The following KIAA1958 variants were observed in gnomAD, a reference collection of about 807,000 sequenced individuals.
KIAA1958 encodes the protein uncharacterized protein KIAA1958.
In KIAA1958, 14 loss-of-function variants were observed where a neutral mutation model predicts 47.2. The ratio of observed to expected loss-of-function variants is 0.30; its 90% CI spans 0.20 to 0.46. The LOEUF (loss-of-function observed/expected upper bound fraction) is 0.46, where lower values mean the gene tolerates loss of function less well. Ranked by LOEUF, KIAA1958 falls within the 20% of genes least tolerant of loss-of-function variation. KIAA1958 has a pLI of 1.00. For missense variants in KIAA1958, 803 were observed against 909.2 expected, an observed-to-expected ratio of 0.88 and a Z score of 1.50; for synonymous variants, 354 against 353.3, an observed-to-expected ratio of 1.00 and a Z score of -0.02.
At chr9:112,595,855 G>A (rs903369271) in intron 2 of KIAA1958, among the ~76,000 whole-genome samples, 17 of 150,982 alleles carry the variant, frequency 1.1e-4, no homozygotes, top group Admixed American at 1.1e-3. Context: ...GTGCGATCTC[G>A]GCTCACCGCA....
intron 2 of KIAA1958, among the ~76,000 whole-genome samples, chr9:112,633,605 G>A (rs968280980): frequency 2.8e-4 from 43 of 151,978 alleles, no homozygotes; most frequent in Non-Finnish European, 5.3e-4. Flanking sequence ...AATATTACCC[G>A]AACCCTAGGA....
intron 1 of KIAA1958, among the ~76,000 whole-genome samples, chr9:112,499,374 T>G (rs756393017): frequency 2.6e-5 from 4 of 152,234 alleles, no homozygotes; most frequent in Admixed American, 1.3e-4. Context: ...AAGATTTCCA[T>G]GAAATTTTAG....
intron 2 of KIAA1958, among the ~76,000 whole-genome samples, chr9:112,637,828 C>CT (rs1252539826): frequency 6.6e-6 from 1 of 152,064 alleles, no homozygotes; most frequent in Non-Finnish European, 1.5e-5. Flanking sequence ...GTAATTTGTC[C>CT]TTTTTTTCCA....
At chr9:112,560,351 C>T (rs1835306732) in intron 1 of KIAA1958, among the ~76,000 whole-genome samples, 1 of 151,832 alleles carries the variant, frequency 6.6e-6, no homozygotes, top group African/African-American at 2.4e-5. Flanking sequence ...CAGGTTCATG[C>T]CACTGCCTCT....
intron 1 of KIAA1958, among the ~76,000 whole-genome samples, chr9:112,511,790 C>A (rs75100457): frequency 5.9e-5 from 9 of 151,978 alleles, no homozygotes; most frequent in South Asian, 4.2e-4. Context: ...CCAGACTGAT[C>A]GAAAATTAGG....
intron 1 of KIAA1958, among the ~76,000 whole-genome samples, chr9:112,498,924 A>T (rs769295876): frequency 8.5e-5 from 13 of 152,088 alleles, no homozygotes; most frequent in African/African-American, 2.9e-4. Context: ...CCTCTAACAC[A>T]CACAGTTCTA....
chr9:112,602,418 C>T (rs1836150432), intron 2 of KIAA1958, among the ~76,000 whole-genome samples: 1 of 152,100 alleles, frequency 6.6e-6, no homozygotes, highest in African/African-American at 2.4e-5. Flanking sequence ...TGAAAGGAGT[C>T]ATAAGAAAAT....
Position 112,618,815 on chromosome 9 carries a change from A to C in KIAA1958, c.1172-26835A>C. On this transcript the variant is annotated intron_variant, in intron 2 of 3. Coordinates refer to ENST00000337530, the MANE Select transcript of KIAA1958 (RefSeq NM_133465.4). The surrounding 1 kb of genome is among the most constrained non-coding windows in gnomAD (Gnocchi z 7.1). ...GAGCAACCAGCTCGTGCTGATCTGTAACAATCTGAGCCAGCAGGCTGCCCA... is the reference window on the plus strand; with the variant it reads ...GAGCAACCAGCTCGTGCTGATCTGTCACAATCTGAGCCAGCAGGCTGCCCA... 6.4e-7 allele frequency: 1 copy of C among 1,550,630 alleles called. No individual in the cohort carries two copies. The highest frequency in any genetic ancestry group is 8.7e-7 in the Non-Finnish European group (1 of 1,147,012).
chr9:112,641,548 C>G (rs1045342358), intron 2 of KIAA1958, among the ~76,000 whole-genome samples: 1 of 151,452 alleles, frequency 6.6e-6, no homozygotes, highest in African/African-American at 2.4e-5. Context: ...GTTCATGAAC[C>G]TTAATATCCT....
At chr9:112,572,056 C>G (rs1221828885) in intron 1 of KIAA1958, among the ~76,000 whole-genome samples, 1 of 151,956 alleles carries the variant, frequency 6.6e-6, no homozygotes, top group Admixed American at 6.6e-5. Context: ...AGGAGCAGTT[C>G]CAGGCTTGGG....
chr9:112,502,816 T>G (rs1834165882), intron 1 of KIAA1958, among the ~76,000 whole-genome samples: 1 of 152,218 alleles, frequency 6.6e-6, no homozygotes, highest in African/African-American at 2.4e-5. Flanking sequence ...AGGAAAAGTT[T>G]GCTGACCCCT....
At chr9:112,561,574 G>A (rs1835332190) in intron 1 of KIAA1958, among the ~76,000 whole-genome samples, 1 of 152,120 alleles carries the variant, frequency 6.6e-6, no homozygotes, top group Non-Finnish European at 1.5e-5. Context: ...AGAAACTCGG[G>A]CTGGGTGCAG....
intron 2 of KIAA1958, among the ~76,000 whole-genome samples, chr9:112,579,099 T>C (rs1835695926): frequency 6.6e-6 from 1 of 152,054 alleles, no homozygotes; most frequent in African/African-American, 2.4e-5. Context: ...AAATAGTAAC[T>C]CATAATCTCT....
At chr9:112,611,086 C>T (rs961214647) in intron 2 of KIAA1958, among the ~76,000 whole-genome samples, 3 of 151,912 alleles carry the variant, frequency 2.0e-5, no homozygotes, top group Non-Finnish European at 2.9e-5. Context: ...TAAATTGATC[C>T]ATATCAATAT....
chr9:112,621,588 T>C (rs12351944), intron 2 of KIAA1958, among the ~76,000 whole-genome samples: 1,870 of 152,328 alleles, frequency 0.012, 27 homozygotes, highest in African/African-American at 0.038. Flanking sequence ...CATCTTCATT[T>C]AGAAAAACAC....
chr9:112,551,553 A>C (rs1042349923), intron 1 of KIAA1958, among the ~76,000 whole-genome samples: 2 of 152,272 alleles, frequency 1.3e-5, no homozygotes, highest in Non-Finnish European at 2.9e-5. Context: ...CAAAAGTTAC[A>C]TAATTGAAAC....
At chr9:112,531,935 A>G (rs949325824) in intron 1 of KIAA1958, among the ~76,000 whole-genome samples, 2 of 152,228 alleles carry the variant, frequency 1.3e-5, no homozygotes, top group African/African-American at 4.8e-5. Context: ...TCTTGGAGCA[A>G]AGCTTGTGCA....
At chr9:112,520,405 T>C (rs1564157452) in intron 1 of KIAA1958, among the ~76,000 whole-genome samples, 1 of 152,228 alleles carries the variant, frequency 6.6e-6, no homozygotes, top group Non-Finnish European at 1.5e-5. Context: ...GCTTGATGCT[T>C]TTACCATCAT....
chr9:112,554,157 A>G (rs1413328985), intron 1 of KIAA1958, among the ~76,000 whole-genome samples: 1 of 152,190 alleles, frequency 6.6e-6, no homozygotes, highest in Non-Finnish European at 1.5e-5. Context: ...GAGGTATGTA[A>G]AAAACCGTGA....
Sources: allele counts gnomAD v4.1 joint callset (sites outside exome capture counted in the v4.1 genomes callset), GRCh38; gene constraint gnomAD v4.1.1; non-coding constraint Gnocchi (gnomAD v3.1); transcripts MANE v1.5; gene names NCBI Gene and HGNC (gene_info 2026-07-23, HGNC 2026-07-21).